Variants in SYNE3 observed in about 807,000 individuals in gnomAD.
SYNE3 encodes spectrin repeat containing nuclear envelope family member 3, also known as nesprin-3.
Under a neutral mutation model 111.2 loss-of-function variants are expected in SYNE3, and 100 were observed. That is an observed-to-expected ratio of 0.90 (90% confidence interval 0.77 to 1.06). SYNE3 has a LOEUF of 1.06. SYNE3 is among the 50% of genes least tolerant of loss of function. The probability of loss-of-function intolerance (pLI) is 0.00; values close to 1 mark genes in which losing one functional copy is unlikely to be tolerated. For synonymous variants in SYNE3, 547 were observed against 533.9 expected, an observed-to-expected ratio of 1.02 and a Z score of -0.34; for missense variants, 1,160 against 1,240.3, an observed-to-expected ratio of 0.94 and a Z score of 0.97.
In SYNE3 at chr14:95,432,094, C is replaced by T. The variant is rs759939118; in HGVS notation, c.2712G>A (p.Pro904=). The T allele has an allele frequency of 1.3e-5, 21 of 1,612,396 alleles. No individual in the cohort carries two copies. The highest frequency in any genetic ancestry group is 8.9e-5 in the East Asian group (4 of 44,884). The change falls in exon 17 of 18, where the codon CCG becomes CCA. Residue 904 remains proline, a synonymous_variant. Transcript: ENST00000682763. ...GACACTGTACCTTTTGGAATCCAGT[C>T]GGCTCCCCTGGAGAACTTTGTGTCT... The part of the protein sequence containing the change: ...HLLTQSSPGE[P]TGFQKTRRWR...
At chr14:95,437,805 T>C (rs1472714986) in intron 14 of SYNE3, 1 of 149,936 alleles carries the variant, frequency 6.7e-6, no homozygotes. Context: ...TAGTTAGTTC[T>C]TTTTTTTTTC....
intron 15 of SYNE3, among the ~76,000 whole-genome samples, chr14:95,436,591 G>A (rs1405521286): frequency 2.0e-5 from 3 of 152,210 alleles, no homozygotes; most frequent in Non-Finnish European, 4.4e-5. Flanking sequence ...AGTGATTAGT[G>A]GTGATATTTT....
intron 1 of SYNE3, among the ~76,000 whole-genome samples, chr14:95,494,998 G>C (rs1044266606): frequency 3.9e-5 from 6 of 152,160 alleles, no homozygotes; most frequent in Middle Eastern, 3.4e-3. Context: ...TGTAATCCCA[G>C]CTATTCAGGA....
In SYNE3 at chr14:95,471,572, T is replaced by C. The variant is rs112233889; in HGVS notation, c.145-3605A>G. ...GAAAGATCAACCTGTAGGAAGTTTA[T>C]TGGAGGCTTGAAGCCAGGGGAGGCC... On this transcript the variant is annotated intron_variant, in intron 2 of 17. Transcript: ENST00000682763. Among the ~76,000 whole-genome samples, 1,417 of 152,316 alleles carry C rather than the reference T, an allele frequency of 9.3e-3. 23 individuals are homozygous for C. Among genetic ancestry groups the C allele is most frequent in the African/African-American group, 0.03 (1,262 of 41,554 alleles).
At chr14:95,440,363 T>C (rs1279765821) in intron 11 of SYNE3, among the ~76,000 whole-genome samples, 1 of 152,236 alleles carries the variant, frequency 6.6e-6, no homozygotes, top group African/African-American at 2.4e-5. Context: ...CAAGTGTAAA[T>C]TGGCTCAACC....
chr14:95,432,943 C>T (rs959794911), intron 16 of SYNE3, among the ~76,000 whole-genome samples: 2 of 152,128 alleles, frequency 1.3e-5, no homozygotes, highest in East Asian at 3.9e-4. Flanking sequence ...AGAGGGGAAC[C>T]GTACAGACTG....
intron 1 of SYNE3, among the ~76,000 whole-genome samples, chr14:95,506,450 G>A (rs889250868): frequency 2.0e-5 from 3 of 152,232 alleles, no homozygotes; most frequent in Non-Finnish European, 2.9e-5. Flanking sequence ...CGCAGGCTTG[G>A]CTGGGTCGAC....
intron 1 of SYNE3, among the ~76,000 whole-genome samples, chr14:95,482,172 G>A (rs751334018): frequency 1.4e-4 from 21 of 151,960 alleles, no homozygotes; most frequent in East Asian, 1.9e-4. Context: ...GGTGACTCAC[G>A]TTTGTAATCC....
chr14:95,426,655 G>A (rs1379076925), intron 17 of SYNE3, among the ~76,000 whole-genome samples: 1 of 152,062 alleles, frequency 6.6e-6, no homozygotes, highest in Non-Finnish European at 1.5e-5. Context: ...GGCACGAGCT[G>A]TTCCAGTATA....
chr14:95,499,604 C>T (rs563302791), intron 1 of SYNE3, among the ~76,000 whole-genome samples: 7 of 152,136 alleles, frequency 4.6e-5, no homozygotes, highest in Non-Finnish European at 1.0e-4. Context: ...TACACATCAG[C>T]TCATTGAGTC....
chr14:95,419,877 T>TGAC (rs1884988348), intron 17 of SYNE3, among the ~76,000 whole-genome samples: 1 of 149,398 alleles, frequency 6.7e-6, no homozygotes, highest in Non-Finnish European at 1.5e-5. Flanking sequence ...ATGGTGATGG[T>TGAC]GATGATGATG....
At chr14:95,511,460 G>T (rs1595266347) in intron 1 of SYNE3, among the ~76,000 whole-genome samples, 1 of 152,118 alleles carries the variant, frequency 6.6e-6, no homozygotes, top group Non-Finnish European at 1.5e-5. Flanking sequence ...CAGCATTTTG[G>T]GAGACCGAGG....
Position 95,439,625 on chromosome 14 carries a change from C to T in SYNE3, c.2233G>A (p.Glu745Lys). 6.2e-7 allele frequency: 1 copy of T among 1,610,590 alleles called. No individual in the cohort carries two copies. The highest frequency in any genetic ancestry group is 8.5e-7 in the Non-Finnish European group (1 of 1,180,010). ...AGGCACTCTCACCTCAGCAGACTTT[C>T]TTCCAGCAGCCTCAAGGCCCGCCAC... is the stretch of plus-strand genomic sequence containing the variant. Reference protein sequence around the residue: ...ESWRALRLLEESLLSLIRNWH... With the variant: ...ESWRALRLLEKSLLSLIRNWH... The change falls in exon 13 of 18, where the codon GAA becomes AAA. Residue 745 changes from glutamate to lysine, a missense_variant. Physicochemically the swap from Glu to Lys is moderately conservative, Grantham distance 56. Coordinates refer to ENST00000682763, the MANE Select transcript of SYNE3 (RefSeq NM_152592.6).
intron 1 of SYNE3, among the ~76,000 whole-genome samples, chr14:95,478,841 A>G (rs887083722): frequency 1.3e-5 from 2 of 152,124 alleles, no homozygotes; most frequent in Non-Finnish European, 2.9e-5. Flanking sequence ...GGCTGTCGTG[A>G]GCCATCCCCT....
In SYNE3 at chr14:95,467,841, T is replaced by G; in HGVS notation, c.271A>C (p.Lys91Gln). 1 of 1,614,164 alleles carries G rather than the reference T, an allele frequency of 6.2e-7. No individual in the cohort carries two copies. Among genetic ancestry groups the G allele is most frequent in the Non-Finnish European group, 8.5e-7 (1 of 1,180,006 alleles). ...PGILARLKDI[K>Q]AQWEETVTYM... ...GTGACTGTCTCCTCCCATTGGGCCT[T>G]GATGTCCTTCAGCCGGGCCAGGATC... The change falls in exon 3 of 18, where the codon AAG becomes CAG. Residue 91 changes from lysine (K) to glutamine (Q), a missense_variant. Lys to Gln is a moderately conservative substitution (Grantham distance 53). Coordinates refer to ENST00000682763, the MANE Select transcript of SYNE3 (RefSeq NM_152592.6).
intron 11 of SYNE3, among the ~76,000 whole-genome samples, chr14:95,442,582 G>A (rs1265230736): frequency 6.6e-6 from 1 of 152,192 alleles, no homozygotes; most frequent in African/African-American, 2.4e-5. Context: ...GTGGGGCCTG[G>A]AGTCTGCATT....
Position 95,419,751 on chromosome 14 carries a change from G to T in SYNE3, c.2728-1725C>A, listed in dbSNP as rs955589982. ...GTGGTGAGAGTAAGGTGGTGATGATGGTGATAATGATCATGGAAATGGTGA... is the reference window on the plus strand; with the variant it reads ...GTGGTGAGAGTAAGGTGGTGATGATTGTGATAATGATCATGGAAATGGTGA... On this transcript the variant is annotated intron_variant, in intron 17 of 17. Coordinates refer to ENST00000682763, the MANE Select transcript of SYNE3 (RefSeq NM_152592.6). Among the ~76,000 whole-genome samples the T allele has an allele frequency of 2.5e-4, 37 of 145,880 alleles. 1 individual carries two copies. The highest frequency in any genetic ancestry group is 5.4e-4 in the Non-Finnish European group (36 of 66,190).
At chr14:95,511,598 C>T (rs144224190) in intron 1 of SYNE3, among the ~76,000 whole-genome samples, 1 of 151,992 alleles carries the variant, frequency 6.6e-6, no homozygotes, top group East Asian at 1.9e-4. Flanking sequence ...AACTGTAGTC[C>T]CAGCTACTCA....
chr14:95,414,694 C>CAA lies in SYNE3; in HGVS notation c.*3131_*3132insTT, dbSNP rs1001225040. 2 of 89,084 alleles carry CAA rather than the reference C, an allele frequency of 2.2e-5. No individual in the cohort carries two copies. Among genetic ancestry groups the CAA allele is most frequent in the Non-Finnish European group, 5.1e-5 (2 of 39,084 alleles). 5.5% of individuals were successfully genotyped at this position (89,084 alleles called of 1,614,324 possible). A position where few individuals can be genotyped will look rare whatever the true frequency, so the allele number is the denominator to read the frequency against. On this transcript the variant is annotated 3_prime_UTR_variant, in exon 18 of 18. Coordinates refer to ENST00000682763, the MANE Select transcript of SYNE3 (RefSeq NM_152592.6). ...CTCCTCTCTCTCTCTCTGACACACA[C>CAA]ACACACACACACACACACACACACA...
Sources: gnomAD v4.1 joint callset for allele counts (sites outside exome capture counted in the v4.1 genomes callset) on GRCh38, gnomAD v4.1.1 for gene constraint, MANE v1.5 for transcripts, NCBI Gene and HGNC (gene_info 2026-07-23, HGNC 2026-07-21) for gene names.